TBC1D1: variants seen among roughly 807,000 people sequenced by gnomAD.
TBC1D1 encodes TBC1 (tre-2/USP6, BUB2, cdc16) domain family, member 1.
Under a neutral mutation model 125.6 loss-of-function variants are expected in TBC1D1, and 89 were observed. The observed-to-expected ratio is 0.71, with a 90% CI of 0.60 to 0.85. The LOEUF is 0.85. TBC1D1 is among the 40% of genes least tolerant of loss of function. TBC1D1 has a pLI of 0.00. For synonymous variants in TBC1D1, 565 were observed against 564.1 expected, an observed-to-expected ratio of 1.00 and a Z score of -0.02; for missense variants, 1,377 against 1,469.2, an observed-to-expected ratio of 0.94 and a Z score of 1.03.
At chr4:38,001,807 A>G (rs1739149834) in intron 2 of TBC1D1, among the ~76,000 whole-genome samples, 1 of 152,176 alleles carries the variant, frequency 6.6e-6, no homozygotes, top group African/African-American at 2.4e-5. Flanking sequence ...TCTCTCAAAT[A>G]CTGTATGTGC....
At chr4:38,006,339 C>A (rs532741340) in intron 2 of TBC1D1, among the ~76,000 whole-genome samples, 1 of 152,192 alleles carries the variant, frequency 6.6e-6, no homozygotes, top group East Asian at 1.9e-4. Context: ...GATTAGACTT[C>A]AACAAGGAGA....
Position 38,125,003 on chromosome 4 carries a change from G to A in TBC1D1, c.3004G>A (p.Ala1002Thr). 6.2e-7 allele frequency: 1 copy of A among 1,614,008 alleles called. No individual in the cohort carries two copies. Among genetic ancestry groups the A allele is most frequent in the Middle Eastern group, 1.6e-4 (1 of 6,062 alleles). The change falls in exon 18 of 20, where the codon GCT becomes ACT. Residue 1002 changes from alanine (A) to threonine (T), a missense_variant. Transcript: ENST00000261439. ...GGGAACAGAGGTCATATTTAAAGTG[G>A]CTTTAAGTCTGTTGGGAAGCCATAA...
intron 11 of TBC1D1, among the ~76,000 whole-genome samples, 173 bp downstream of exon 13, chr4:38,053,398 C>T (rs1751095421): frequency 6.6e-6 from 1 of 152,188 alleles, no homozygotes; most frequent in Non-Finnish European, 1.5e-5. Flanking sequence ...TAAAAATGTG[C>T]AACCAACCTG....
chr4:37,912,359 G>A (rs1012302240), intron 2 of TBC1D1, among the ~76,000 whole-genome samples: 1 of 152,202 alleles, frequency 6.6e-6, no homozygotes, highest in Non-Finnish European at 1.5e-5. Context: ...AGAAAATATA[G>A]TATGTGCCAT....
chr4:37,988,783 C>T (rs1431880580), intron 2 of TBC1D1, among the ~76,000 whole-genome samples: 3 of 152,184 alleles, frequency 2.0e-5, no homozygotes. Context: ...GGACCGCCCC[C>T]TCCTCAGTCA....
At chr4:37,999,609 G>A (rs567193056) in intron 2 of TBC1D1, among the ~76,000 whole-genome samples, 13 of 152,078 alleles carry the variant, frequency 8.5e-5, no homozygotes, top group Non-Finnish European at 1.9e-4. Flanking sequence ...GCAGGCCTGT[G>A]GGGGGAGGGA....
At chr4:38,007,934 G>A (rs1406502679) in intron 2 of TBC1D1, among the ~76,000 whole-genome samples, 2 of 152,196 alleles carry the variant, frequency 1.3e-5, no homozygotes, top group Non-Finnish European at 2.9e-5. Context: ...CTGGACTCTG[G>A]CTGCCCGTTA....
intron 2 of TBC1D1, chr4:37,961,061 G>T: frequency 6.3e-7 from 1 of 1,595,222 alleles, no homozygotes; most frequent in Non-Finnish European, 8.6e-7. Flanking sequence ...TAGTGCTTTG[G>T]AGTTTGTGTG....
At chr4:37,912,993 G>A (rs893916379) in intron 2 of TBC1D1, among the ~76,000 whole-genome samples, 1 of 152,150 alleles carries the variant, frequency 6.6e-6, no homozygotes, top group Non-Finnish European at 1.5e-5. Flanking sequence ...TGGAATAGAG[G>A]GATGAGAGAC....
intron 2 of TBC1D1, among the ~76,000 whole-genome samples, chr4:37,991,862 G>A (rs187883922): frequency 2.0e-5 from 3 of 152,290 alleles, no homozygotes; most frequent in Admixed American, 1.3e-4. Flanking sequence ...AGGTGAGTGA[G>A]TGATTCAAAG....
At chr4:37,933,050 T>TAAAAAAAA (rs34363887) in intron 2 of TBC1D1, among the ~76,000 whole-genome samples, 1 of 144,762 alleles carries the variant, frequency 6.9e-6, no homozygotes, top group African/African-American at 2.6e-5. Flanking sequence ...AGACTCCATT[T>TAAAAAAAA]AAAAACAAAA....
At chr4:38,078,863 T>A (rs1461104239) in intron 12 of TBC1D1, among the ~76,000 whole-genome samples, 1 of 152,166 alleles carries the variant, frequency 6.6e-6, no homozygotes, top group Non-Finnish European at 1.5e-5. Flanking sequence ...CGGGGTATAG[T>A]TTAATAGCTG....
At chr4:38,065,329 G>A (rs1400643066) in intron 12 of TBC1D1, among the ~76,000 whole-genome samples, 5 of 152,122 alleles carry the variant, frequency 3.3e-5, no homozygotes, top group Non-Finnish European at 7.3e-5. Flanking sequence ...ACCAGTTACT[G>A]GGTTACGCCC....
chr4:38,006,681 A>C, intron 2 of TBC1D1: 1 of 277,364 alleles, frequency 3.6e-6, no homozygotes, highest in Non-Finnish European at 7.1e-6. Context: ...GGGTTTCACC[A>C]TGTTAGCCAG....
At chr4:37,955,304 C>T (rs1252424051) in intron 2 of TBC1D1, among the ~76,000 whole-genome samples, 4 of 152,142 alleles carry the variant, frequency 2.6e-5, no homozygotes. Context: ...ACTGCACATA[C>T]ATACCTCTCT....
At chr4:38,118,615 C>T (rs980695656) in intron 17 of TBC1D1, 14 of 158,020 alleles carry the variant, frequency 8.9e-5, no homozygotes, top group Non-Finnish European at 1.9e-4. Context: ...CTCTTCCTCC[C>T]CTTTCTCTTC....
chr4:37,926,992 C>T (rs1722261645), intron 2 of TBC1D1, among the ~76,000 whole-genome samples: 1 of 152,142 alleles, frequency 6.6e-6, no homozygotes, highest in Admixed American at 6.5e-5. Context: ...TGGCGCATGC[C>T]TGTAACCCCA....
intron 1 of TBC1D1, among the ~76,000 whole-genome samples, chr4:37,893,770 G>A (rs565061752): frequency 3.9e-5 from 6 of 152,320 alleles, no homozygotes; most frequent in African/African-American, 1.4e-4. Context: ...AGGTTGCAGT[G>A]AAACATGATC....
Position 38,052,062 on chromosome 4 carries a change from T to C in TBC1D1, c.1911-2137T>C, listed in dbSNP as rs1468186569. ...AAGTGGGAATGCTGTGCCAAAGAGGTGAGCACACTCACGTGGCAAGTTTGG... is the reference window on the plus strand; with the variant it reads ...AAGTGGGAATGCTGTGCCAAAGAGGCGAGCACACTCACGTGGCAAGTTTGG... On this transcript the variant is annotated intron_variant, in intron 11 of 19. Coordinates refer to ENST00000261439, the MANE Select transcript of TBC1D1 (RefSeq NM_015173.4). 1 of 1,550,650 alleles carries C rather than the reference T, an allele frequency of 6.4e-7. No individual in the cohort carries two copies. The highest frequency in any genetic ancestry group is 1.4e-5 in the African/African-American group (1 of 72,908).
Sources: gnomAD v4.1 joint callset for allele counts (sites outside exome capture counted in the v4.1 genomes callset) on GRCh38, gnomAD v4.1.1 for gene constraint, MANE v1.5 for transcripts, NCBI Gene and HGNC (gene_info 2026-07-23, HGNC 2026-07-21) for gene names.